Variants in ZDHHC15 observed in about 807,000 individuals in gnomAD.
The protein encoded by ZDHHC15 is palmitoyltransferase ZDHHC15.
Under a neutral mutation model 31.7 loss-of-function variants are expected in ZDHHC15, and 19 were observed. The observed-to-expected ratio is 0.60, with a 90% CI of 0.42 to 0.88. ZDHHC15 has a LOEUF of 0.88. Ranked by LOEUF, ZDHHC15 falls within the 40% of genes least tolerant of loss-of-function variation. ZDHHC15 has a pLI of 0.00. For missense variants in ZDHHC15, 209 were observed against 251.2 expected (o/e 0.83, Z 1.14); for synonymous variants, 103 against 90.0 (o/e 1.14, Z -0.82).
At chrX:75,392,806 T>C (rs2083261189) in intron 10 of ZDHHC15, among the ~76,000 whole-genome samples, 1 of 111,741 alleles carries the variant, frequency 8.9e-6, no homozygotes, top group African/African-American at 3.3e-5. Flanking sequence ...AAGGAGGAAA[T>C]ACTCATGACA....
At chrX:75,431,740 G>A (rs750123078) in intron 4 of ZDHHC15, among the ~76,000 whole-genome samples, 36 of 111,010 alleles carry the variant, frequency 3.2e-4, no homozygotes, top group African/African-American at 1.1e-3. Context: ...TGAAAGGAAC[G>A]AGAAAAGTTT....
chrX:75,433,002 T>A (rs1269156158), intron 4 of ZDHHC15, among the ~76,000 whole-genome samples: 1 of 109,579 alleles, frequency 9.1e-6, no homozygotes, highest in Non-Finnish European at 1.9e-5. Context: ...AAAAAAAAAA[T>A]GTAAATCAGA....
intron 4 of ZDHHC15, among the ~76,000 whole-genome samples, chrX:75,441,787 C>A (rs1371349192): frequency 9.1e-6 from 1 of 109,974 alleles, no homozygotes; most frequent in Non-Finnish European, 1.9e-5. Context: ...CTGCGCACGG[C>A]TAATTTTTTG....
At chrX:75,486,017 C>A (rs977251137) in intron 2 of ZDHHC15, among the ~76,000 whole-genome samples, 7 of 109,961 alleles carry the variant, frequency 6.4e-5, no homozygotes, top group African/African-American at 2.4e-4. Context: ...CCAAGACCCA[C>A]TGCAAGAACA....
At chrX:75,403,599 A>T (rs908079772) in intron 10 of ZDHHC15, among the ~76,000 whole-genome samples, 17 of 112,103 alleles carry the variant, frequency 1.5e-4, no homozygotes, top group African/African-American at 5.2e-4. Flanking sequence ...TCAAACCAAG[A>T]GCCAAATCAG....
At chrX:75,394,184 A>C (rs73220079) in intron 10 of ZDHHC15, among the ~76,000 whole-genome samples, 1 of 111,785 alleles carries the variant, frequency 8.9e-6, no homozygotes, top group Non-Finnish European at 1.9e-5. Context: ...TGCAAATCAA[A>C]AAACATATTA....
At chrX:75,495,384 G>T (rs971482572) in intron 2 of ZDHHC15, among the ~76,000 whole-genome samples, 11 of 111,258 alleles carry the variant, frequency 9.9e-5, no homozygotes, top group Non-Finnish European at 1.3e-4. Context: ...GATTCCTCAG[G>T]GATCTAGAAC....
At chrX:75,483,324 T>C (rs1202418002) in intron 2 of ZDHHC15, among the ~76,000 whole-genome samples, 1 of 110,033 alleles carries the variant, frequency 9.1e-6, no homozygotes, top group Non-Finnish European at 1.9e-5. Context: ...GGGCCAGGCG[T>C]GGTGGTTCAC....
chrX:75,443,515 C>T (rs1020975213), intron 4 of ZDHHC15, among the ~76,000 whole-genome samples: 1 of 111,821 alleles, frequency 8.9e-6, no homozygotes, highest in African/African-American at 3.3e-5. Context: ...CATAAAAACC[C>T]TACAAGAAAA....
chrX:75,482,770 T>C (rs768611667), intron 2 of ZDHHC15, among the ~76,000 whole-genome samples: 3 of 110,983 alleles, frequency 2.7e-5, no homozygotes, highest in South Asian at 7.6e-4. Context: ...ATAAGCTTTA[T>C]TGATAGTCCC....
intron 4 of ZDHHC15, among the ~76,000 whole-genome samples, chrX:75,438,086 C>T (rs2083888596): frequency 1.8e-5 from 2 of 112,154 alleles, no homozygotes; most frequent in East Asian, 2.8e-4. Flanking sequence ...GAGATACCAT[C>T]TCACACCTGT....
rs375218974 is a variant in ZDHHC15 at position 75,429,998 on chromosome X, T to C, written c.450-18A>G. The C allele has an allele frequency of 2.5e-6, 3 of 1,200,926 alleles. No homozygotes were observed. The African/African-American group carries it at 5.3e-5, about 21-fold the overall frequency. ...ACACACACCTACGAAGGGGACAAAA[T>C]ACAGTGTGATAAGTGAGGCTATGGA... On this transcript the variant is annotated intron_variant, in intron 5 of 11. Coordinates refer to ENST00000373367, the MANE Select transcript of ZDHHC15 (RefSeq NM_144969.3).
At position 75,383,735 on chromosome X, in the gene ZDHHC15, G is replaced by GATT. The variant is rs2083144457; in HGVS notation, c.968-4538_968-4537insAAT. Among the ~76,000 whole-genome samples, 4 of 86,631 alleles carry GATT rather than the reference G, an allele frequency of 4.6e-5. 1 individual carries two copies. The highest frequency in any genetic ancestry group is 8.5e-5 in the Non-Finnish European group (4 of 47,057). 75.2% of individuals were successfully genotyped at this position (86,631 alleles called of 115,157 possible). On this transcript the variant is annotated intron_variant, in intron 10 of 11. Coordinates refer to ENST00000373367, the MANE Select transcript of ZDHHC15 (RefSeq NM_144969.3). Reference sequence around the variant, plus strand: ...CTACCCCAAATTTAAGAAATGTTAGGTTTTTTTTTTTTTTTTTTTTTGAGA... The same window carrying GATT: ...CTACCCCAAATTTAAGAAATGTTAGGATTTTTTTTTTTTTTTTTTTTTTTGAGA...
At chrX:75,454,755 A>G (rs976528112) in intron 3 of ZDHHC15, among the ~76,000 whole-genome samples, 2 of 111,456 alleles carry the variant, frequency 1.8e-5, no homozygotes, top group Non-Finnish European at 3.8e-5. Flanking sequence ...CCTAGAACTT[A>G]AAGTATAATA....
intron 10 of ZDHHC15, among the ~76,000 whole-genome samples, chrX:75,385,492 A>G (rs1045562825): frequency 9.0e-6 from 1 of 111,722 alleles, no homozygotes; most frequent in African/African-American, 3.3e-5. Flanking sequence ...ACTGATACCA[A>G]TTTACCTGCT....
intron 10 of ZDHHC15, among the ~76,000 whole-genome samples, chrX:75,397,397 T>C (rs988331128): frequency 1.8e-4 from 20 of 111,558 alleles, no homozygotes; most frequent in African/African-American, 6.2e-4. Flanking sequence ...TTGGACTGTT[T>C]GTAACAGAAA....
intron 10 of ZDHHC15, among the ~76,000 whole-genome samples, chrX:75,411,373 C>T (rs942656006): frequency 4.5e-5 from 5 of 111,081 alleles, no homozygotes; most frequent in African/African-American, 9.8e-5. Flanking sequence ...CCGCCACGCC[C>T]GGCTAATTTT....
chrX:75,514,563 G>A (rs1387806765), intron 1 of ZDHHC15, among the ~76,000 whole-genome samples: 1 of 111,859 alleles, frequency 8.9e-6, no homozygotes, highest in Admixed American at 9.5e-5. Context: ...GCAGCCCATG[G>A]AGTGTGAGCC....
chrX:75,487,452 G>A (rs1334421983), intron 2 of ZDHHC15, among the ~76,000 whole-genome samples: 1 of 111,908 alleles, frequency 8.9e-6, no homozygotes, highest in African/African-American at 3.3e-5. Flanking sequence ...AGTCTGATTT[G>A]CAGGAAGCTG....
Sources: gnomAD v4.1 joint callset for allele counts (sites outside exome capture counted in the v4.1 genomes callset) on GRCh38, gnomAD v4.1.1 for gene constraint, MANE v1.5 for transcripts, NCBI Gene and HGNC (gene_info 2026-07-23, HGNC 2026-07-21) for gene names.